Variants in COX10 observed in about 807,000 individuals in gnomAD.
The protein encoded by COX10 is protoheme IX farnesyltransferase, mitochondrial.
COX10 carries 27 observed loss-of-function variants against 37.3 expected under a neutral mutation model. The observed-to-expected ratio is 0.72, with a 90% CI of 0.53 to 1.00. The LOEUF (loss-of-function observed/expected upper bound fraction) is 1.00. Ranked by LOEUF, COX10 falls within the 50% of genes least tolerant of loss-of-function variation. COX10 has a pLI of 0.00. For synonymous variants in COX10, 222 were observed against 229.1 expected, an observed-to-expected ratio of 0.97 and a Z score of 0.28; for missense variants, 475 against 563.2, an observed-to-expected ratio of 0.84 and a Z score of 1.59.
intron 3 of COX10, among the ~76,000 whole-genome samples, chr17:14,084,130 A>C (rs962733729): frequency 2.6e-5 from 4 of 152,168 alleles, no homozygotes; most frequent in Non-Finnish European, 4.4e-5. Context: ...GATCACTTGT[A>C]TAGTTTAAGA....
rs771559739 is a variant in COX10, at chr17:14,076,872, C to A, written c.315C>A (p.Pro105=). 1 of 1,614,132 alleles carries A rather than the reference C, an allele frequency of 6.2e-7. No homozygotes were observed. The highest frequency in any genetic ancestry group is 8.5e-7 in the Non-Finnish European group (1 of 1,180,024). Residue 105 remains proline, a synonymous_variant, in exon 3 of 7, where the codon CCC becomes CCA. Coordinates refer to ENST00000261643, the MANE Select transcript of COX10 (RefSeq NM_001303.4). ...ATGAGATGAGACCTCTCTCACCGCC[C>A]AGCCTATCTTTGTCCAGAAAGCCAA... ...EIYEMRPLSP[P]SLSLSRKPNE... is the part of the protein sequence containing the mutation.
At chr17:14,176,460 A>G (rs1218252748) in intron 5 of COX10, among the ~76,000 whole-genome samples, 6 of 152,152 alleles carry the variant, frequency 3.9e-5, no homozygotes, top group Admixed American at 2.0e-4. Context: ...AACCCCATAG[A>G]ATTCTCCACC....
intron 6 of COX10, among the ~76,000 whole-genome samples, chr17:14,203,579 G>A (rs773897855): frequency 2.6e-5 from 4 of 152,180 alleles, no homozygotes; most frequent in Admixed American, 2.6e-4. Context: ...TGCAAAGCCT[G>A]CCCCTAGTGT....
rs116158426 is a variant in COX10, at chr17:14,146,203, C to T, written c.625-13674C>T. 6.6e-3 allele frequency among the ~76,000 whole-genome samples: 1,011 copies of T among 152,092 alleles called. 8 individuals are homozygous for T. Among genetic ancestry groups the T allele is most frequent in the African/African-American group, 0.023 (955 of 41,496 alleles). ...AACAAAACTAGAGGAATCACATTAC[C>T]TGACCAAATTATAGTAACCAAAGAG... On this transcript the variant is annotated intron_variant, in intron 4 of 6. Coordinates refer to ENST00000261643, the MANE Select transcript of COX10 (RefSeq NM_001303.4).
chr17:14,128,760 A>C (rs1916397748), intron 4 of COX10, among the ~76,000 whole-genome samples: 1 of 152,260 alleles, frequency 6.6e-6, no homozygotes, highest in African/African-American at 2.4e-5. Context: ...GAGTTACAGC[A>C]GGACTATAGA....
At chr17:14,173,349 A>G (rs141748361) in intron 5 of COX10, among the ~76,000 whole-genome samples, 34 of 152,380 alleles carry the variant, frequency 2.2e-4, no homozygotes, top group Admixed American at 7.2e-4. Context: ...CTGCCAAGGC[A>G]ATGAGAAGGC....
chr17:14,129,488 C>T (rs756346267), intron 4 of COX10, among the ~76,000 whole-genome samples: 7 of 152,050 alleles, frequency 4.6e-5, no homozygotes, highest in Non-Finnish European at 8.8e-5. Context: ...TAAAACTTCC[C>T]GTAGTATTTA....
chr17:14,075,850 G>T (rs1276195135), intron 2 of COX10, among the ~76,000 whole-genome samples: 1 of 151,858 alleles, frequency 6.6e-6, no homozygotes, highest in East Asian at 1.9e-4. Flanking sequence ...AAATTAGCCA[G>T]GCTTGGTGGC....
chr17:14,092,182 C>A (rs925243735), intron 3 of COX10, among the ~76,000 whole-genome samples: 26 of 152,096 alleles, frequency 1.7e-4, no homozygotes, highest in African/African-American at 6.0e-4. Context: ...CTTAATATAA[C>A]AGCTTTTATT....
At chr17:14,119,462 A>G (rs1023962053) in intron 4 of COX10, among the ~76,000 whole-genome samples, 14 of 152,196 alleles carry the variant, frequency 9.2e-5, no homozygotes, top group South Asian at 2.1e-4. Flanking sequence ...CTTTGCTCTC[A>G]GTGGACCTAT....
intron 4 of COX10, among the ~76,000 whole-genome samples, chr17:14,107,632 C>G (rs1915923015): frequency 6.6e-6 from 1 of 151,592 alleles, no homozygotes; most frequent in African/African-American, 2.4e-5. Flanking sequence ...CTCTTTGTAG[C>G]TACATCTTGC....
chr17:14,086,279 T>C (rs1915407636), intron 3 of COX10, among the ~76,000 whole-genome samples: 1 of 152,044 alleles, frequency 6.6e-6, no homozygotes, highest in Non-Finnish European at 1.5e-5. Context: ...GTTAATATTA[T>C]ATTTTTATGA....
intron 4 of COX10, among the ~76,000 whole-genome samples, chr17:14,104,326 C>T (rs1488625886): frequency 6.6e-6 from 1 of 152,016 alleles, no homozygotes; most frequent in Non-Finnish European, 1.5e-5. Flanking sequence ...TATTTTAGTT[C>T]CAGTGTTAGG....
chr17:14,106,506 CA>C (rs1267642403), intron 4 of COX10, among the ~76,000 whole-genome samples: 1 of 152,082 alleles, frequency 6.6e-6, no homozygotes, highest in Non-Finnish European at 1.5e-5. Context: ...GTGGTCATGT[CA>C]AGAGATTATG....
At chr17:14,122,332 C>T (rs1567596063) in intron 4 of COX10, among the ~76,000 whole-genome samples, 1 of 152,068 alleles carries the variant, frequency 6.6e-6, no homozygotes, top group African/African-American at 2.4e-5. Context: ...ATAAAACACA[C>T]GAGGCTGCAA....
intron 4 of COX10, among the ~76,000 whole-genome samples, chr17:14,115,485 C>T (rs764801344): frequency 5.9e-5 from 9 of 152,012 alleles, no homozygotes; most frequent in Admixed American, 4.6e-4. Flanking sequence ...TCTCAAAGAA[C>T]TAAAAATAGA....
intron 4 of COX10, among the ~76,000 whole-genome samples, chr17:14,141,529 C>CAAAAAAA (rs71147842): frequency 8.9e-5 from 6 of 67,506 alleles, no homozygotes; most frequent in Non-Finnish European, 1.0e-4. Context: ...GTCCCTGTCT[C>CAAAAAAA]AAAAAAAAAA....
chr17:14,188,613 T>C (rs1207342567), intron 5 of COX10, among the ~76,000 whole-genome samples: 3 of 151,882 alleles, frequency 2.0e-5, no homozygotes, highest in Non-Finnish European at 2.9e-5. Flanking sequence ...GCATTCTTTT[T>C]TACATTATTA....
chr17:14,170,739 C>T (rs1905440981), intron 5 of COX10, among the ~76,000 whole-genome samples: 2 of 152,278 alleles, frequency 1.3e-5, no homozygotes, highest in Admixed American at 1.3e-4. Flanking sequence ...ATTGCTTGAG[C>T]CCTGGATTTG....
Sources: gnomAD v4.1 joint callset for allele counts (sites outside exome capture counted in the v4.1 genomes callset) on GRCh38, gnomAD v4.1.1 for gene constraint, MANE v1.5 for transcripts, NCBI Gene and HGNC (gene_info 2026-07-23, HGNC 2026-07-21) for gene names.